The following TSR1 variants were observed in gnomAD, a reference collection of about 807,000 sequenced individuals.
TSR1 encodes the protein pre-rRNA-processing protein TSR1 homolog.
A neutral mutation model predicts 90.9 loss-of-function variants in TSR1; 81 were observed. That is an observed-to-expected ratio of 0.89 (90% confidence interval 0.74 to 1.07). TSR1 has a LOEUF of 1.07. TSR1 is among the 50% of genes least tolerant of loss of function. The pLI, the probability that TSR1 is intolerant of heterozygous loss-of-function variation, is 0.00. For synonymous variants in TSR1, 362 were observed against 348.8 expected (o/e 1.04, Z -0.42); for missense variants, 989 against 987.3 (o/e 1.00, Z -0.02).
rs2151441275 is a variant in TSR1, at chr17:2,332,179, C to T, written c.1486G>A (p.Ala496Thr). 6.2e-7 allele frequency: 1 copy of T among 1,611,050 alleles called. No individual in the cohort carries two copies. The highest frequency in any genetic ancestry group is 8.5e-7 in the Non-Finnish European group (1 of 1,179,358). Residue 496 changes from alanine to threonine, a missense_variant, in exon 8 of 15, where the codon GCT (alanine) becomes ACT (threonine). Coordinates refer to ENST00000301364, the MANE Select transcript of TSR1 (RefSeq NM_018128.5). ...DEVDTPRDVA[A>T]RIRFQKYRGL... Reference sequence around the variant, plus strand: ...GACTTGTTGACTAACCGAATTCGAGCAGCCACATCACGGGGCGTGTCCACT... The same window carrying T: ...GACTTGTTGACTAACCGAATTCGAGTAGCCACATCACGGGGCGTGTCCACT...
chr17:2,327,069 C>T (rs1304778465), intron 11 of TSR1, among the ~76,000 whole-genome samples: 1 of 151,812 alleles, frequency 6.6e-6, no homozygotes, highest in Non-Finnish European at 1.5e-5. Flanking sequence ...CCTGCCACTG[C>T]ACTCCAGCCT....
At chr17:2,333,782 C>T in intron 5 of TSR1, 66 bp from the exon 6 acceptor site, 11 of 1,583,622 alleles carry the variant, frequency 6.9e-6, no homozygotes, top group Non-Finnish European at 9.5e-6. Context: ...ACACAGTAAC[C>T]AGAAAGACCC....
chr17:2,328,886 C>G (rs1287815384), intron 11 of TSR1: 1 of 213,222 alleles, frequency 4.7e-6, no homozygotes, highest in African/African-American at 2.9e-5. Context: ...CGCCACTGCA[C>G]TCCAGCCTGG....
intron 3 of TSR1, 38 bp from the exon 4 acceptor site, chr17:2,335,432 A>C (rs775395077): frequency 6.3e-7 from 1 of 1,598,030 alleles, no homozygotes; most frequent in East Asian, 2.2e-5. Flanking sequence ...GGTGGTTGGC[A>C]CCAGCACATT....
In TSR1 at chr17:2,323,417, AG is replaced by A; in HGVS notation, c.*778del. ...TTAGGCAGAAGAAACTTCCCTTAGG[AG>A]TAGCAAGTGACCCACGGGAACCTGA... On this transcript the variant is annotated 3_prime_UTR_variant, in exon 15 of 15. Coordinates refer to ENST00000301364, the MANE Select transcript of TSR1 (RefSeq NM_018128.5). 71 of 1,566,230 alleles carry A rather than the reference AG, an allele frequency of 4.5e-5. No homozygotes were observed. Among genetic ancestry groups the A allele is most frequent in the Non-Finnish European group, 6.1e-5 (70 of 1,141,032 alleles).
At chr17:2,330,881 G>A in intron 9 of TSR1, 66 bp downstream of exon 9, 1 of 1,508,776 alleles carries the variant, frequency 6.6e-7, no homozygotes, top group Non-Finnish European at 8.9e-7. Flanking sequence ...GCCAAGAGAA[G>A]GAATAAAGTA....
chr17:2,325,361 A>G lies in TSR1; in HGVS notation c.1963T>C (p.Tyr655His). 1.9e-6 allele frequency: 3 copies of G among 1,613,798 alleles called. No individual in the cohort carries two copies. The highest frequency in any genetic ancestry group is 2.5e-6 in the Non-Finnish European group (3 of 1,179,972). The part of the protein sequence containing the change: ...TADMALVATV[Y>H]APITFPPASV... ...GCAGGAGGAAAAGTGATTGGCGCAT[A>G]GACTGTCGCCACCAGGGCCATGTCA... is the stretch of plus-strand genomic sequence containing the variant. Residue 655 changes from tyrosine (Y) to histidine (H), a missense_variant, in exon 12 of 15, where the codon TAT (tyrosine) becomes CAT (histidine). Physicochemically the swap from Tyr to His is moderately conservative, Grantham distance 83. Transcript: ENST00000301364.
rs775556556 is a variant in TSR1, at chr17:2,333,636, G to A, written c.1062C>T (p.Ser354=). ...GATCTGGGATAACCTCTGCTTGCAA[G>A]GATTCCTGTCTACCAGGGTCTGCCT... The part of the protein sequence containing the change: ...LMKADPGRQE[S]LQAEVIPDPM... Residue 354 remains serine (S), a synonymous_variant, in exon 6 of 15, where the codon TCC becomes TCT. Transcript: ENST00000301364. The A allele has an allele frequency of 6.2e-7, 1 of 1,614,078 alleles. No individual in the cohort carries two copies. The highest frequency in any genetic ancestry group is 1.7e-5 in the Admixed American group (1 of 59,994).
intron 4 of TSR1, 39 bp downstream of exon 4, chr17:2,335,221 G>C: frequency 6.2e-7 from 1 of 1,601,818 alleles, no homozygotes; most frequent in Admixed American, 1.7e-5. Flanking sequence ...CATAGTGCCT[G>C]ACAAATTAAA....
At chr17:2,327,173 T>C (rs1185326989) in intron 11 of TSR1, among the ~76,000 whole-genome samples, 1 of 151,780 alleles carries the variant, frequency 6.6e-6, no homozygotes, top group Non-Finnish European at 1.5e-5. Context: ...TCCCAGCACT[T>C]TGGGAGGCCA....
rs2075551019 is a variant in TSR1, at chr17:2,323,417, A to C, written c.*779T>G. 1.1e-5 allele frequency: 18 copies of C among 1,566,230 alleles called. No individual in the cohort carries two copies. The South Asian group carries it at 1.9e-4, about 17-fold the overall frequency. On this transcript the variant is annotated 3_prime_UTR_variant, in exon 15 of 15. Transcript: ENST00000301364. ...TTAGGCAGAAGAAACTTCCCTTAGG[A>C]GTAGCAAGTGACCCACGGGAACCTG...
intron 1 of TSR1, 44 bp from the exon 2 acceptor site, chr17:2,336,184 G>C: frequency 3.7e-6 from 6 of 1,607,928 alleles, no homozygotes; most frequent in Non-Finnish European, 5.1e-6. Flanking sequence ...GGCCCCACAA[G>C]GTCAAGAAAA....
rs1299049182 is a variant in TSR1, at chr17:2,335,531, A to T, written c.401T>A (p.Phe134Tyr). 6.2e-7 allele frequency: 1 copy of T among 1,614,068 alleles called. No individual in the cohort carries two copies. The highest frequency in any genetic ancestry group is 8.5e-7 in the Non-Finnish European group (1 of 1,180,004). Residue 134 changes from phenylalanine (F) to tyrosine (Y), a missense_variant, in exon 3 of 15, where the codon TTT becomes TAT. By Grantham distance (22) the Phe-to-Tyr change is conservative (BLOSUM62 3). Coordinates refer to ENST00000301364, the MANE Select transcript of TSR1 (RefSeq NM_018128.5). ...CTAACCTGGCCTTGCTGAGGTGAAAAACCACCGATGTTTCAAGCGGGGGCA... is the reference window on the plus strand; with the variant it reads ...CTAACCTGGCCTTGCTGAGGTGAAATACCACCGATGTTTCAAGCGGGGGCA... ...LLCPRLKHRW[F>Y]FTSARPGDLH...
intron 11 of TSR1, among the ~76,000 whole-genome samples, chr17:2,328,785 G>T (rs1180641427): frequency 6.6e-6 from 1 of 150,532 alleles, no homozygotes; most frequent in Non-Finnish European, 1.5e-5. Context: ...GCATGGTGGC[G>T]GGCGCCTGTA....
chr17:2,333,191 C>T (rs1042702103), intron 6 of TSR1, 67 bp from the exon 7 acceptor site: 263 of 1,565,738 alleles, frequency 1.7e-4, no homozygotes, highest in Non-Finnish European at 2.2e-4. Flanking sequence ...GTTATTCTCA[C>T]CTAGGCAAGG....
intron 10 of TSR1, among the ~76,000 whole-genome samples, chr17:2,329,814 C>T (rs2075594717): frequency 6.6e-6 from 1 of 152,120 alleles, no homozygotes; most frequent in Non-Finnish European, 1.5e-5. Flanking sequence ...TCATTCAAGC[C>T]CCTTCTTCTT....
Position 2,322,879 on chromosome 17 carries a change from C to G in TSR1, c.*1317G>C, listed in dbSNP as rs1454061776. On this transcript the variant is annotated 3_prime_UTR_variant, in exon 15 of 15. Coordinates refer to ENST00000301364, the MANE Select transcript of TSR1 (RefSeq NM_018128.5). ...TCCCAAGTTCAAGTGATTCTCCTAC[C>G]TCAGCCTCTTGAGTAGCTGGGATTA... 1.4e-5 allele frequency: 6 copies of G among 428,802 alleles called. No homozygotes were observed. Among genetic ancestry groups the G allele is most frequent in the South Asian group, 8.7e-5 (4 of 46,194 alleles). 26.6% of individuals were successfully genotyped at this position (428,802 alleles called of 1,614,324 possible). A position where few individuals can be genotyped will look rare whatever the true frequency, so the allele number is the denominator to read the frequency against.
At chr17:2,334,934 T>G in intron 4 of TSR1, 38 bp from the exon 5 acceptor site, 1 of 1,568,910 alleles carries the variant, frequency 6.4e-7, no homozygotes, top group Non-Finnish European at 8.6e-7. Flanking sequence ...GACCTACTGC[T>G]TCATTACATA....
In TSR1 at chr17:2,325,380, C is replaced by G; in HGVS notation, c.1944G>C (p.Met648Ile). 1 of 1,613,464 alleles carries G rather than the reference C, an allele frequency of 6.2e-7. No individual in the cohort carries two copies. Among genetic ancestry groups the G allele is most frequent in the Non-Finnish European group, 8.5e-7 (1 of 1,179,840 alleles). Residue 648 changes from methionine to isoleucine, a missense_variant, in exon 12 of 15, where the codon ATG (methionine) becomes ATC (isoleucine). Coordinates refer to ENST00000301364, the MANE Select transcript of TSR1 (RefSeq NM_018128.5). ...HKLQRFLTAD[M>I]ALVATVYAPI... is the part of the protein sequence containing the mutation. ...GCGCATAGACTGTCGCCACCAGGGC[C>G]ATGTCAGCAGTCAGGAATCTCTGCA...
Sources: allele counts gnomAD v4.1 joint callset (sites outside exome capture counted in the v4.1 genomes callset), GRCh38; gene constraint gnomAD v4.1.1; transcripts MANE v1.5; gene names NCBI Gene and HGNC (gene_info 2026-07-23, HGNC 2026-07-21).